The following GRXCR2 variants were observed in gnomAD, a reference collection of about 807,000 sequenced individuals.
The protein encoded by GRXCR2 is glutaredoxin and cysteine rich domain containing 2, also known as glutaredoxin domain-containing cysteine-rich protein 2.
A neutral mutation model predicts 24.8 loss-of-function variants in GRXCR2; 23 were observed. The ratio of observed to expected loss-of-function variants is 0.93; its 90% CI spans 0.67 to 1.32. GRXCR2 has a LOEUF of 1.32. GRXCR2 is among the 40% of genes most tolerant of loss of function. The probability of loss-of-function intolerance (pLI) is 0.00; values close to 1 mark genes in which losing one functional copy is unlikely to be tolerated. For missense variants in GRXCR2, 315 were observed against 303.4 expected (o/e 1.04, Z -0.28); for synonymous variants, 130 against 116.1 (o/e 1.12, Z -0.77).
intron 1 of GRXCR2, among the ~76,000 whole-genome samples, chr5:145,870,555 T>A (rs182967141): frequency 3.2e-4 from 48 of 152,342 alleles, no homozygotes; most frequent in Middle Eastern, 3.4e-3. Flanking sequence ...TGTACATATA[T>A]CTGTTTGAGT....
intron 2 of GRXCR2, among the ~76,000 whole-genome samples, chr5:145,922,085 T>C (rs990641809): frequency 1.3e-5 from 2 of 152,226 alleles, no homozygotes; most frequent in Non-Finnish European, 2.9e-5. Context: ...AGTTGCTTTT[T>C]GGATGGAGCC....
chr5:145,899,239 T>C (rs978772470), intron 2 of GRXCR2, among the ~76,000 whole-genome samples: 4 of 151,988 alleles, frequency 2.6e-5, no homozygotes, highest in Non-Finnish European at 4.4e-5. Flanking sequence ...CTAAAAACAC[T>C]GCCAAGAGAA....
At chr5:145,927,370 A>G (rs946768937) in intron 2 of GRXCR2, among the ~76,000 whole-genome samples, 5 of 152,180 alleles carry the variant, frequency 3.3e-5, no homozygotes, top group African/African-American at 9.7e-5. Flanking sequence ...TGGGTTTGTC[A>G]TAAATAGCTC....
chr5:145,863,442 T>C (rs575951680), intron 2 of GRXCR2, among the ~76,000 whole-genome samples: 1 of 152,246 alleles, frequency 6.6e-6, no homozygotes, highest in Non-Finnish European at 1.5e-5. Flanking sequence ...TCTCTCCAAA[T>C]TGAACTTAAA....
intron 2 of GRXCR2, among the ~76,000 whole-genome samples, chr5:145,930,721 T>C (rs1224031292): frequency 2.0e-5 from 3 of 152,194 alleles, no homozygotes; most frequent in Non-Finnish European, 4.4e-5. Flanking sequence ...ATGTTTTTCT[T>C]TGGATTAGTC....
intron 2 of GRXCR2, among the ~76,000 whole-genome samples, chr5:145,889,172 A>AAAAAAGAAAG (rs757883920): frequency 1.2e-5 from 1 of 83,986 alleles, no homozygotes; most frequent in African/African-American, 4.7e-5. Flanking sequence ...CTGTCTCAAA[A>AAAAAAGAAAG]AAAGAAAGAA....
At chr5:145,895,711 C>G (rs900315618) in intron 2 of GRXCR2, among the ~76,000 whole-genome samples, 12 of 152,114 alleles carry the variant, frequency 7.9e-5, no homozygotes, top group Non-Finnish European at 1.2e-4. Flanking sequence ...ACTGCCCAAG[C>G]TAATTTATAG....
At chr5:145,863,303 G>A (rs1193842633) in intron 2 of GRXCR2, among the ~76,000 whole-genome samples, 1 of 152,144 alleles carries the variant, frequency 6.6e-6, no homozygotes, top group Non-Finnish European at 1.5e-5. Context: ...ACTGCATGAG[G>A]GATTGGGCAA....
chr5:145,881,677 T>G (rs562119020), intron 2 of GRXCR2, among the ~76,000 whole-genome samples: 2 of 152,110 alleles, frequency 1.3e-5, no homozygotes, highest in African/African-American at 4.8e-5. Flanking sequence ...TACTTTAAAG[T>G]TCATATGGAA....
At chr5:145,861,922 GT>G (rs1261660458) in intron 2 of GRXCR2, among the ~76,000 whole-genome samples, 2 of 152,152 alleles carry the variant, frequency 1.3e-5, no homozygotes, top group Non-Finnish European at 2.9e-5. Context: ...AGGAATGAAA[GT>G]AATTACCCAA....
Position 145,872,699 on chromosome 5 carries a change from C to G in GRXCR2, c.270G>C (p.Glu90Asp), listed in dbSNP as rs778472201. ...LTAQRISVFREGNAYTLAGGQ... is the reference protein window; with the variant it reads ...LTAQRISVFRDGNAYTLAGGQ... ...CGCCTGCCAAGGTGTAGGCATTACC[C>G]TCTCTAAACACACTGATCCTCTGAG... The change falls in exon 1 of 3, where the codon GAG (glutamate) becomes GAC (aspartate). Residue 90 changes from glutamate (E) to aspartate (D), a missense_variant. Physicochemically the swap from Glu to Asp is conservative, Grantham distance 45. Coordinates refer to ENST00000377976, the MANE Select transcript of GRXCR2 (RefSeq NM_001080516.2). 1.9e-6 allele frequency: 3 copies of G among 1,613,608 alleles called. No individual in the cohort carries two copies. Among genetic ancestry groups the G allele is most frequent in the South Asian group, 1.1e-5 (1 of 91,024 alleles).
At chr5:145,877,754 G>C (rs180945932), upstream of GRXCR2, among the ~76,000 whole-genome samples, 1 of 152,208 alleles carries the variant, frequency 6.6e-6, no homozygotes, top group Non-Finnish European at 1.5e-5. Context: ...AAAGCAGGGC[G>C]GGGCATTCCC....
chr5:145,899,741 T>C (rs1350731217), intron 2 of GRXCR2, among the ~76,000 whole-genome samples: 1 of 152,112 alleles, frequency 6.6e-6, no homozygotes, highest in Non-Finnish European at 1.5e-5. Context: ...CTTTACCTTT[T>C]ACCATATACA....
intron 2 of GRXCR2, among the ~76,000 whole-genome samples, chr5:145,917,892 G>C (rs1757262912): frequency 6.6e-6 from 1 of 152,180 alleles, no homozygotes; most frequent in African/African-American, 2.4e-5. Context: ...TGATTCTCCT[G>C]CCTCAGCCTC....
At chr5:145,925,713 TAATG>T (rs1281924760) in intron 2 of GRXCR2, among the ~76,000 whole-genome samples, 3 of 152,274 alleles carry the variant, frequency 2.0e-5, no homozygotes, top group South Asian at 2.1e-4. Flanking sequence ...AGTGAGTAAA[TAATG>T]AATATCATAT....
At chr5:145,877,420 G>C (rs576988339), upstream of GRXCR2, among the ~76,000 whole-genome samples, 1 of 151,234 alleles carries the variant, frequency 6.6e-6, no homozygotes, top group African/African-American at 2.4e-5. Context: ...TGCAATCTTG[G>C]CTCACTGCAA....
intron 2 of GRXCR2, among the ~76,000 whole-genome samples, chr5:145,886,381 G>A (rs1413743216): frequency 1.3e-5 from 2 of 152,188 alleles, no homozygotes; most frequent in Non-Finnish European, 2.9e-5. Flanking sequence ...AACTCCCCAC[G>A]TCAGAATGTA....
intron 2 of GRXCR2, among the ~76,000 whole-genome samples, chr5:145,897,344 A>T (rs746347400): frequency 6.6e-6 from 1 of 152,056 alleles, no homozygotes; most frequent in Non-Finnish European, 1.5e-5. Context: ...AAACTAAAAG[A>T]CTTAAACAGC....
chr5:145,927,517 A>T (rs1301872964), intron 2 of GRXCR2, among the ~76,000 whole-genome samples: 1 of 152,144 alleles, frequency 6.6e-6, no homozygotes, highest in Non-Finnish European at 1.5e-5. Flanking sequence ...TTCTGTTTAT[A>T]TGCTGGATTA....
Sources: allele counts gnomAD v4.1 joint callset (sites outside exome capture counted in the v4.1 genomes callset), GRCh38; gene constraint gnomAD v4.1.1; transcripts MANE v1.5; gene names NCBI Gene and HGNC (gene_info 2026-07-23, HGNC 2026-07-21).